MLLT3: variants seen among roughly 807,000 people sequenced by gnomAD.
MLLT3 encodes MLLT3 super elongation complex subunit, also known as protein AF-9.
Under a neutral mutation model 53.2 loss-of-function variants are expected in MLLT3, and 4 were observed. That is an observed-to-expected ratio of 0.08 (90% confidence interval 0.04 to 0.17). The LOEUF (loss-of-function observed/expected upper bound fraction) is 0.17, where lower values mean the gene tolerates loss of function less well. Among genes scored for constraint, MLLT3 ranks in the 10% least tolerant of loss-of-function variants. The pLI, the probability that MLLT3 is intolerant of heterozygous loss-of-function variation, is 1.00. For missense variants in MLLT3, 569 were observed against 684.0 expected (o/e 0.83, Z 1.87); for synonymous variants, 283 against 230.6 (o/e 1.23, Z -2.06).
chr9:20,525,878 T>C (rs1477305944), intron 2 of MLLT3, among the ~76,000 whole-genome samples: 3 of 152,210 alleles, frequency 2.0e-5, no homozygotes, highest in Non-Finnish European at 1.5e-5. Flanking sequence ...TGTTGTGACA[T>C]TCTTTAAGAA....
chr9:20,413,793 C>A lies in MLLT3; in HGVS notation c.1053G>T (p.Thr351=). The A allele has an allele frequency of 1.2e-6, 2 of 1,613,862 alleles. No individual in the cohort carries two copies. Among genetic ancestry groups the A allele is most frequent in the Non-Finnish European group, 1.7e-6 (2 of 1,179,932 alleles). Residue 351 remains threonine (T), a synonymous_variant, in exon 5 of 11, where the codon ACG becomes ACT. Transcript: ENST00000380338. ...CCACAATATCATCAAATGGCGGTAACGTTGATTTCTTCTTCTCTGATGTCT... is the reference window on the plus strand; with the variant it reads ...CCACAATATCATCAAATGGCGGTAAAGTTGATTTCTTCTTCTCTGATGTCT... ...ESETSEKKKS[T]LPPFDDIVDP... is the part of the protein sequence containing the mutation.
intron 2 of MLLT3, among the ~76,000 whole-genome samples, chr9:20,487,843 A>G (rs1340483389): frequency 6.6e-6 from 1 of 152,160 alleles, no homozygotes; most frequent in Admixed American, 6.6e-5. Context: ...GAGGAAAACC[A>G]AACTGAAATT....
At chr9:20,532,552 G>A (rs2118997874) in intron 2 of MLLT3, 1 of 228,336 alleles carries the variant, frequency 4.4e-6, no homozygotes, top group South Asian at 1.2e-4. Context: ...GCCACCCAAG[G>A]TTCCCAAAGG....
At chr9:20,425,144 C>G (rs77935443) in intron 4 of MLLT3, among the ~76,000 whole-genome samples, 2,250 of 152,202 alleles carry the variant, frequency 0.015, 46 homozygotes, top group African/African-American at 0.051. Context: ...GGTGAGCCAA[C>G]TAATATAGTT....
chr9:20,548,714 T>C (rs78093658), intron 2 of MLLT3, among the ~76,000 whole-genome samples: 3,224 of 152,260 alleles, frequency 0.021, 51 homozygotes, highest in Middle Eastern at 0.044. Context: ...AGCAAGGAGC[T>C]GCAAAAAGAA....
intron 4 of MLLT3, among the ~76,000 whole-genome samples, chr9:20,429,557 A>G (rs980283753): frequency 6.6e-6 from 1 of 151,950 alleles, no homozygotes; most frequent in Non-Finnish European, 1.5e-5. Context: ...GGGGGAAAAA[A>G]AGGAAAAAAA....
At chr9:20,616,209 A>G (rs1464663722) in intron 2 of MLLT3, among the ~76,000 whole-genome samples, 3 of 152,172 alleles carry the variant, frequency 2.0e-5, no homozygotes, top group African/African-American at 7.2e-5. Flanking sequence ...AATGCAAATG[A>G]GAAAAGAGAC....
chr9:20,513,083 G>C (rs1817800122), intron 2 of MLLT3, among the ~76,000 whole-genome samples: 1 of 152,166 alleles, frequency 6.6e-6, no homozygotes, highest in African/African-American at 2.4e-5. Flanking sequence ...TTCTAGTCTT[G>C]CCCTGATAGG....
At chr9:20,610,098 C>G (rs1020058668) in intron 2 of MLLT3, among the ~76,000 whole-genome samples, 3 of 152,120 alleles carry the variant, frequency 2.0e-5, no homozygotes, top group African/African-American at 7.2e-5. Flanking sequence ...GCCCACACAG[C>G]TTATTCAGTC....
At chr9:20,481,391 G>A (rs1824658104) in intron 2 of MLLT3, among the ~76,000 whole-genome samples, 1 of 152,120 alleles carries the variant, frequency 6.6e-6, no homozygotes, top group Admixed American at 6.5e-5. Context: ...CAATTTAAGA[G>A]ATGCCTAAAG....
intron 4 of MLLT3, among the ~76,000 whole-genome samples, chr9:20,438,787 T>C (rs568174851): frequency 3.9e-5 from 6 of 152,210 alleles, no homozygotes; most frequent in African/African-American, 9.6e-5. Context: ...ATATTACCCA[T>C]ATAAATTCCT....
At chr9:20,370,713 G>A (rs1821577527) in intron 5 of MLLT3, among the ~76,000 whole-genome samples, 1 of 152,122 alleles carries the variant, frequency 6.6e-6, no homozygotes, top group African/African-American at 2.4e-5. Context: ...GTTTCGCCAT[G>A]TTAGCCAGGC....
intron 4 of MLLT3, 46 bp from the exon 5 acceptor site, chr9:20,414,471 A>C (rs1822824116): frequency 6.3e-7 from 1 of 1,594,274 alleles, no homozygotes. Context: ...ACTAAATAGC[A>C]ATGAAGAGTC....
rs749625239 is a variant in MLLT3 at position 20,413,980 on chromosome 9, T to A, written c.866A>T (p.Asp289Val). ...TTTTTTGGCTGAGAGTTCTTCAGAA[T>A]CTGAAATGGGCGGCCTTTTACTAGG... ...KAPSKRPPIS[D>V]SEELSAKKRK... Residue 289 changes from aspartate (D) to valine (V), a missense_variant, in exon 5 of 11, where the codon GAT (aspartate) becomes GTT (valine). By Grantham distance (152) the Asp-to-Val change is radical. This residue lies in a region of MLLT3 where 437 missense variants were observed against 376.5 expected (regional missense o/e 1.16). Transcript: ENST00000380338. 3 of 1,613,948 alleles carry A rather than the reference T, an allele frequency of 1.9e-6. No homozygotes were observed. Among genetic ancestry groups the A allele is most frequent in the African/African-American group, 1.3e-5 (1 of 74,908 alleles).
chr9:20,540,085 G>A (rs375516419), intron 2 of MLLT3, among the ~76,000 whole-genome samples: 10 of 152,330 alleles, frequency 6.6e-5, no homozygotes, highest in East Asian at 5.8e-4. Context: ...CACTGACTTC[G>A]TGTCTCACAT....
chr9:20,387,185 C>A (rs1375692422), intron 5 of MLLT3, among the ~76,000 whole-genome samples: 2 of 152,234 alleles, frequency 1.3e-5, no homozygotes, highest in Non-Finnish European at 2.9e-5. Flanking sequence ...TATTCCAGAG[C>A]TCCTCAACTC....
intron 2 of MLLT3, among the ~76,000 whole-genome samples, chr9:20,597,124 A>G (rs1820293635): frequency 1.3e-5 from 2 of 151,992 alleles, no homozygotes; most frequent in South Asian, 4.1e-4. Context: ...CTATCTTTTT[A>G]TACTAATCTT....
intron 2 of MLLT3, among the ~76,000 whole-genome samples, chr9:20,567,404 G>T (rs1305489762): frequency 6.7e-6 from 1 of 149,994 alleles, no homozygotes; most frequent in East Asian, 2.0e-4. Context: ...AAGGTTATTA[G>T]CCTTGCTGTT....
intron 2 of MLLT3, among the ~76,000 whole-genome samples, chr9:20,550,655 C>A (rs1818903920): frequency 6.6e-6 from 1 of 152,116 alleles, no homozygotes; most frequent in Non-Finnish European, 1.5e-5. Context: ...TCCTCGGCCT[C>A]TTTAAAATGT....
Sources: gnomAD v4.1 joint callset for allele counts (sites outside exome capture counted in the v4.1 genomes callset) on GRCh38, gnomAD v4.1.1 for gene constraint, gnomAD v4.1.1 regional missense constraint, MANE v1.5 for transcripts, NCBI Gene and HGNC (gene_info 2026-07-23, HGNC 2026-07-21) for gene names.